SNX19: variants seen among roughly 807,000 people sequenced by gnomAD.
The protein encoded by SNX19 is sorting nexin-19.
A neutral mutation model predicts 85.2 loss-of-function variants in SNX19; 60 were observed. The observed-to-expected ratio is 0.70, with a 90% CI of 0.57 to 0.87. SNX19 has a LOEUF of 0.87. Ranked by LOEUF, SNX19 falls within the 40% of genes least tolerant of loss-of-function variation. SNX19 has a pLI of 0.00. For synonymous variants in SNX19, 520 were observed against 470.0 expected (o/e 1.11, Z -1.38); for missense variants, 1,201 against 1,217.8 (o/e 0.99, Z 0.21).
At position 130,866,428 on chromosome 11, in the gene SNX19, A is replaced by T. The variant is rs958196644; in HGVS notation, c.*11994T>A. On this transcript the variant is annotated 3_prime_UTR_variant, in exon 11 of 11. Transcript: ENST00000265909. ...ATGGCCTGGCACTAGTGGTAATTCC[A>T]GCAGACAAACAGCATGAGAAAAGGC... 2 of 152,244 alleles carry T rather than the reference A, an allele frequency of 1.3e-5. No individual in the cohort carries two copies. The highest frequency in any genetic ancestry group is 2.9e-5 in the Non-Finnish European group (2 of 68,046). The allele number at this position is 152,244 out of a possible 1,614,324, so 9.4% of individuals were successfully genotyped here.
chr11:130,876,151 C>A lies in SNX19; in HGVS notation c.*2271G>T, dbSNP rs1943235622. 1 of 152,144 alleles carries A rather than the reference C, an allele frequency of 6.6e-6. No homozygotes were observed. The highest frequency in any genetic ancestry group is 2.1e-4 in the South Asian group (1 of 4,836). The allele number at this position is 152,144 out of a possible 1,614,324, so 9.4% of individuals were successfully genotyped here. A position where few individuals can be genotyped will look rare whatever the true frequency, so the allele number is the denominator to read the frequency against. On this transcript the variant is annotated 3_prime_UTR_variant, in exon 11 of 11. Transcript: ENST00000265909. Reference sequence around the variant, plus strand: ...TTTAGTCACGAGTAAATACAAAAAACAAGCAAACAATAAAACCTTCCTGGA... The same window carrying A: ...TTTAGTCACGAGTAAATACAAAAAAAAAGCAAACAATAAAACCTTCCTGGA...
chr11:130,875,454 A>C lies in SNX19; in HGVS notation c.*2968T>G, dbSNP rs936022902. On this transcript the variant is annotated 3_prime_UTR_variant, in exon 11 of 11. Transcript: ENST00000265909. ...CAAAGCACTGTGCTGCTTCTAGTTA[A>C]TAATGTACCGTCTCAAAATAAATAA... 1.3e-5 allele frequency: 2 copies of C among 152,248 alleles called. No homozygotes were observed. Among genetic ancestry groups the C allele is most frequent in the African/African-American group, 4.8e-5 (2 of 41,468 alleles). The allele number at this position is 152,248 out of a possible 1,614,324, so 9.4% of individuals were successfully genotyped here.
chr11:130,882,887 C>G (rs998047788), intron 8 of SNX19, among the ~76,000 whole-genome samples: 2 of 152,154 alleles, frequency 1.3e-5, no homozygotes, highest in African/African-American at 4.8e-5. Context: ...CAAAGTCTTG[C>G]AAACTAAAAT....
In SNX19 at chr11:130,915,778, C is replaced by CA. The variant is rs1946535129; in HGVS notation, c.161dup (p.Ser55ValfsTer39). 6.2e-7 allele frequency: 1 copy of CA among 1,614,072 alleles called. No individual in the cohort carries two copies. Among genetic ancestry groups the CA allele is most frequent in the South Asian group, 1.1e-5 (1 of 91,084 alleles). On this transcript the variant is annotated frameshift_variant, in exon 1 of 11. Transcript: ENST00000265909. LOFTEE classifies it high-confidence loss of function. The stretch of plus-strand genomic sequence containing the variant: ...CTCCCAGCACCACTAGCAATGCCGA[C>CA]AGAAGGCACAGCAGCCACACGTTGA...
rs367855688 is a variant in SNX19, at chr11:130,911,753, C to T, written c.1693G>A (p.Gly565Ser). 5.0e-5 allele frequency: 81 copies of T among 1,614,020 alleles called. No individual in the cohort carries two copies. Among genetic ancestry groups the T allele is most frequent in the African/African-American group, 1.1e-4 (8 of 74,902 alleles). ...YTVKYETALDGENSSGLQQLA... is the reference protein window; with the variant it reads ...YTVKYETALDSENSSGLQQLA... ...TGCTGCAGGCCGCTGCTGTTTTCAC[C>T]GTCAAGGGCTGTCTCGTACTGTTCA... Residue 565 changes from glycine to serine, a missense_variant, in exon 2 of 11, where the codon GGT becomes AGT. By Grantham distance (56) the Gly-to-Ser change is moderately conservative. Transcript: ENST00000265909.
intron 2 of SNX19, 43 bp downstream of exon 2, chr11:130,911,588 GAC>G: frequency 6.2e-7 from 1 of 1,611,684 alleles, no homozygotes; most frequent in Non-Finnish European, 8.5e-7. Context: ...AGCGTGGCTC[GAC>G]GTGGGAAGCA....
In SNX19 at chr11:130,878,349, G is replaced by A. The variant is rs1163519318; in HGVS notation, c.*73C>T. Reference sequence around the variant, plus strand: ...GCTGTAGCCTACTTGAAGAGGGCACGGGCTTCCTGACTGGTCTCTGGTGGC... The same window carrying A: ...GCTGTAGCCTACTTGAAGAGGGCACAGGCTTCCTGACTGGTCTCTGGTGGC... On this transcript the variant is annotated 3_prime_UTR_variant, in exon 11 of 11. Coordinates refer to ENST00000265909, the MANE Select transcript of SNX19 (RefSeq NM_014758.3). 1.1e-5 allele frequency: 17 copies of A among 1,547,330 alleles called. No homozygotes were observed. Among genetic ancestry groups the A allele is most frequent in the Non-Finnish European group, 1.5e-5 (17 of 1,140,590 alleles).
chr11:130,901,721 G>A (rs902154999), intron 8 of SNX19: 2 of 152,080 alleles, frequency 1.3e-5, no homozygotes, highest in African/African-American at 4.8e-5. Context: ...CAAACAAAGC[G>A]TTACCTAGAG....
intron 8 of SNX19, among the ~76,000 whole-genome samples, chr11:130,886,201 A>C (rs1944054852): frequency 6.6e-6 from 1 of 152,180 alleles, no homozygotes; most frequent in South Asian, 2.1e-4. Context: ...GCTGGACATC[A>C]TTAGAGGTCA....
intron 8 of SNX19, among the ~76,000 whole-genome samples, chr11:130,888,069 C>T (rs1214447695): frequency 1.3e-5 from 2 of 149,596 alleles, no homozygotes; most frequent in Admixed American, 1.3e-4. Context: ...TTTCAGCCAG[C>T]TAAAATCCTA....
intron 10 of SNX19, among the ~76,000 whole-genome samples, chr11:130,878,862 C>T: frequency 6.6e-6 from 1 of 152,178 alleles, no homozygotes; most frequent in Non-Finnish European, 1.5e-5. Flanking sequence ...TGTCAGGTTA[C>T]TAGACACTTT....
rs1249339697 is a variant in SNX19, at chr11:130,915,697, G to T, written c.243C>A (p.Arg81=). 1.2e-6 allele frequency: 2 copies of T among 1,614,242 alleles called. No homozygotes were observed. Among genetic ancestry groups the T allele is most frequent in the East Asian group, 4.5e-5 (2 of 44,878 alleles). Residue 81 remains arginine, a synonymous_variant, in exon 1 of 11, where the codon CGC becomes CGA. Transcript: ENST00000265909. ...GVASGRLHLE[R]FIPLATCPPC... ...GAGGACAGGTGGCCAACGGGATGAA[G>T]CGTTCCAGATGCAGTCGACCTGAAG...
At chr11:130,895,295 TGAAA>T (rs1944802317) in intron 8 of SNX19, 1 of 974,158 alleles carries the variant, frequency 1.0e-6, no homozygotes, top group Admixed American at 6.2e-5. Context: ...GTGGAGGGAA[TGAAA>T]GACTCAGTTT....
At chr11:130,908,837 GA>G (rs1191545406) in intron 4 of SNX19, among the ~76,000 whole-genome samples, 1 of 152,200 alleles carries the variant, frequency 6.6e-6, no homozygotes, top group African/African-American at 2.4e-5. Flanking sequence ...GAAACAGAAC[GA>G]AACATTTACT....
rs1043714715 is a variant in SNX19, at chr11:130,870,184, C to T, written c.*8238G>A. ...AGTACTCTTTCTTCCATGTCCAAAA[C>T]CATACGTGGAGCTTGCTTGTGTTTC... On this transcript the variant is annotated 3_prime_UTR_variant, in exon 11 of 11. Transcript: ENST00000265909. 2.6e-5 allele frequency: 4 copies of T among 152,206 alleles called. No homozygotes were observed. The highest frequency in any genetic ancestry group is 9.7e-5 in the African/African-American group (4 of 41,450). The allele number at this position is 152,206 out of a possible 1,614,324, so 9.4% of individuals were successfully genotyped here. A position where few individuals can be genotyped will look rare whatever the true frequency, so the allele number is the denominator to read the frequency against.
chr11:130,890,039 A>G (rs983990962), intron 8 of SNX19, among the ~76,000 whole-genome samples: 4 of 152,182 alleles, frequency 2.6e-5, no homozygotes, highest in African/African-American at 9.6e-5. Context: ...TATAAATCAG[A>G]GTAGATACTA....
intron 8 of SNX19, among the ~76,000 whole-genome samples, chr11:130,902,266 T>C (rs1945310349): frequency 6.6e-6 from 1 of 152,248 alleles, no homozygotes; most frequent in South Asian, 2.1e-4. Flanking sequence ...AGATAAGCGC[T>C]TAGCAAATAT....
At chr11:130,894,306 C>T (rs746284286) in intron 8 of SNX19, among the ~76,000 whole-genome samples, 2 of 152,170 alleles carry the variant, frequency 1.3e-5, no homozygotes, top group East Asian at 1.9e-4. Context: ...GAATTTTTAA[C>T]GGGTGGGATC....
intron 8 of SNX19, among the ~76,000 whole-genome samples, chr11:130,889,628 G>A (rs779303944): frequency 2.6e-5 from 4 of 152,108 alleles, no homozygotes; most frequent in Non-Finnish European, 4.4e-5. Context: ...GTGAATTCCA[G>A]TACTCTCATC....
Sources: gnomAD v4.1 joint callset for allele counts (sites outside exome capture counted in the v4.1 genomes callset) on GRCh38, gnomAD v4.1.1 for gene constraint, MANE v1.5 for transcripts, NCBI Gene and HGNC (gene_info 2026-07-23, HGNC 2026-07-21) for gene names.